The following SLIT2 variants were observed in gnomAD, a reference collection of about 807,000 sequenced individuals.
SLIT2 encodes slit homolog 2 protein.
SLIT2 carries 41 observed loss-of-function variants against 185.7 expected under a neutral mutation model. That is an observed-to-expected ratio of 0.22 (90% CI 0.17 to 0.29). The LOEUF (loss-of-function observed/expected upper bound fraction) is 0.29, where lower values mean the gene tolerates loss of function less well. Ranked by LOEUF, SLIT2 falls within the 10% of genes least tolerant of loss-of-function variation. The pLI is 1.00. For synonymous variants in SLIT2, 693 were observed against 680.2 expected, an observed-to-expected ratio of 1.02 and a Z score of -0.29; for missense variants, 1,571 against 1,909.0, an observed-to-expected ratio of 0.82 and a Z score of 3.30.
At chr4:20,451,504 A>G (rs1425399656) in intron 4 of SLIT2, among the ~76,000 whole-genome samples, 1 of 152,166 alleles carries the variant, frequency 6.6e-6, no homozygotes, top group African/African-American at 2.4e-5. Context: ...AAATGTATTC[A>G]TATGTTGTTG....
chr4:20,463,098 A>T (rs1713907070), intron 4 of SLIT2, among the ~76,000 whole-genome samples: 1 of 152,104 alleles, frequency 6.6e-6, no homozygotes, highest in African/African-American at 2.4e-5. Context: ...AATGATGGTA[A>T]GCACCGTGAC....
intron 4 of SLIT2, among the ~76,000 whole-genome samples, chr4:20,391,874 T>C (rs938171088): frequency 1.1e-4 from 16 of 151,986 alleles, no homozygotes; most frequent in African/African-American, 3.6e-4. Context: ...ATGGATATCA[T>C]TGATAGTACT....
At chr4:20,274,838 A>C (rs1035591834) in intron 4 of SLIT2, among the ~76,000 whole-genome samples, 12 of 152,038 alleles carry the variant, frequency 7.9e-5, no homozygotes, top group African/African-American at 2.7e-4. Flanking sequence ...TGGACTGCCA[A>C]CTTGAATTTG....
At chr4:20,384,707 T>C (rs1341763002) in intron 4 of SLIT2, among the ~76,000 whole-genome samples, 2 of 152,100 alleles carry the variant, frequency 1.3e-5, no homozygotes, top group Admixed American at 1.3e-4. Flanking sequence ...TATAGCCACA[T>C]AAGGAGATTA....
chr4:20,268,159 A>T (rs1009709067), intron 3 of SLIT2, among the ~76,000 whole-genome samples: 4 of 151,942 alleles, frequency 2.6e-5, no homozygotes, highest in Admixed American at 2.6e-4. Flanking sequence ...CATTTAAAAC[A>T]TTCCAATTTA....
intron 18 of SLIT2, among the ~76,000 whole-genome samples, chr4:20,537,801 C>G (rs536942131): frequency 6.6e-6 from 1 of 152,152 alleles, no homozygotes; most frequent in Admixed American, 6.5e-5. Flanking sequence ...TTCCATTCCC[C>G]CTAGGCTTCT....
intron 26 of SLIT2, among the ~76,000 whole-genome samples, chr4:20,556,408 C>T (rs1350555823): frequency 6.6e-6 from 1 of 151,934 alleles, no homozygotes; most frequent in East Asian, 1.9e-4. Flanking sequence ...TTCAATAATG[C>T]TAATGCTTAT....
chr4:20,603,114 A>G (rs1055216064), intron 33 of SLIT2, among the ~76,000 whole-genome samples: 5 of 152,196 alleles, frequency 3.3e-5, no homozygotes, highest in Non-Finnish European at 7.3e-5. Context: ...ATTGACTCAC[A>G]GTTCCACATG....
intron 4 of SLIT2, among the ~76,000 whole-genome samples, chr4:20,420,025 A>G (rs1445759670): frequency 6.6e-6 from 1 of 152,144 alleles, no homozygotes; most frequent in Non-Finnish European, 1.5e-5. Context: ...ATAGGGCCAA[A>G]CCAGGCACTT....
rs779865937 is a variant in SLIT2 at position 20,596,521 on chromosome 4, C to T, written c.3427C>T (p.Pro1143Ser). 9 of 1,613,958 alleles carry T rather than the reference C, an allele frequency of 5.6e-6. No individual in the cohort carries two copies. The highest frequency in any genetic ancestry group is 3.3e-5 in the South Asian group (3 of 91,062). The change falls in exon 32 of 37, where the codon CCA becomes TCA. Residue 1143 changes from proline to serine, a missense_variant. Pro to Ser is a moderately conservative substitution (Grantham distance 74, BLOSUM62 -1). Coordinates refer to ENST00000504154, the MANE Select transcript of SLIT2 (RefSeq NM_004787.4). ...GAQCIVRINEPICQCLPGYQG... is the reference protein window; with the variant it reads ...GAQCIVRINESICQCLPGYQG... ...TCAGTGTATCGTCAGAATAAATGAG[C>T]CAATATGTCAGTGTTTGCCTGGCTA...
intron 4 of SLIT2, among the ~76,000 whole-genome samples, chr4:20,283,552 A>C: frequency 6.6e-6 from 1 of 152,156 alleles, no homozygotes; most frequent in Non-Finnish European, 1.5e-5. Context: ...ACTTTTAAAA[A>C]TACACCTGAA....
chr4:20,361,972 A>G (rs1403568095), intron 4 of SLIT2, among the ~76,000 whole-genome samples: 1 of 152,128 alleles, frequency 6.6e-6, no homozygotes, highest in African/African-American at 2.4e-5. Context: ...TTCGACCTTA[A>G]TTCAAAATAC....
In SLIT2 at chr4:20,254,030, C is replaced by A; in HGVS notation, c.179+36C>A. 6.3e-7 allele frequency: 1 copy of A among 1,579,962 alleles called. No homozygotes were observed. Among genetic ancestry groups the A allele is most frequent in the Admixed American group, 1.7e-5 (1 of 58,824 alleles). On this transcript the variant is annotated intron_variant, in intron 1 of 36. Transcript: ENST00000504154. The surrounding 1 kb of genome is among the most constrained non-coding windows in gnomAD (Gnocchi z 5.1). ...GCTCTTCGTCTTCCCCTCTCCCCAT[C>A]CGGGCCGCGCACCCCTGCCTCCACT... is the stretch of plus-strand genomic sequence containing the variant.
At chr4:20,604,127 A>G in intron 33 of SLIT2, among the ~76,000 whole-genome samples, 1 of 152,190 alleles carries the variant, frequency 6.6e-6, no homozygotes, top group Non-Finnish European at 1.5e-5. Context: ...CTGATGATTC[A>G]TGGATACTCT....
At chr4:20,282,763 A>C (rs1217317773) in intron 4 of SLIT2, among the ~76,000 whole-genome samples, 1 of 152,178 alleles carries the variant, frequency 6.6e-6, no homozygotes, top group Non-Finnish European at 1.5e-5. Context: ...TTTCTTAACT[A>C]TTCCTGTTTG....
In SLIT2 at chr4:20,543,650, G is replaced by A. The variant is rs550574501; in HGVS notation, c.2276+1024G>A. On this transcript the variant is annotated intron_variant, in intron 21 of 36. Transcript: ENST00000504154. Reference sequence around the variant, plus strand: ...GCAACATAGGTAATGAGGTTCAAGGGCATGTCATTTCAATTTTTAAGGATC... The same window carrying A: ...GCAACATAGGTAATGAGGTTCAAGGACATGTCATTTCAATTTTTAAGGATC... Among the ~76,000 whole-genome samples the A allele has an allele frequency of 6.6e-5, 10 of 152,272 alleles. No homozygotes were observed. The South Asian group carries it at 2.1e-3, about 32-fold the overall frequency.
In SLIT2 at chr4:20,617,514, C is replaced by T; in HGVS notation, c.4212C>T (p.Val1404=). Residue 1404 remains valine (V), a synonymous_variant, in exon 36 of 37, where the codon GTC becomes GTT. Coordinates refer to ENST00000504154, the MANE Select transcript of SLIT2 (RefSeq NM_004787.4). ...SCKCLEGHGG[V]LCDEEEDLFN... ...AGTGCTTGGAGGGCCATGGAGGTGT[C>T]CTCTGTGATGAAGAGGAGGATCTGT... The T allele has an allele frequency of 6.2e-7, 1 of 1,614,046 alleles. No homozygotes were observed. The highest frequency in any genetic ancestry group is 8.5e-7 in the Non-Finnish European group (1 of 1,179,998).
At chr4:20,535,236 T>G (rs893449026) in intron 18 of SLIT2, among the ~76,000 whole-genome samples, 2 of 151,658 alleles carry the variant, frequency 1.3e-5, no homozygotes, top group Non-Finnish European at 2.9e-5. Flanking sequence ...GAGGCGGAGA[T>G]TGCAGTGAGC....
At chr4:20,357,737 T>C (rs1460881802) in intron 4 of SLIT2, among the ~76,000 whole-genome samples, 1 of 152,126 alleles carries the variant, frequency 6.6e-6, no homozygotes, top group Non-Finnish European at 1.5e-5. Context: ...AAATTAGTTA[T>C]TAGACTTTGG....
Sources: gnomAD v4.1 joint callset for allele counts (sites outside exome capture counted in the v4.1 genomes callset) on GRCh38, gnomAD v4.1.1 for gene constraint, Gnocchi (gnomAD v3.1) non-coding constraint, MANE v1.5 for transcripts, NCBI Gene and HGNC (gene_info 2026-07-23, HGNC 2026-07-21) for gene names.